The following CACNA1D variants were observed in gnomAD, a reference collection of about 807,000 sequenced individuals.
CACNA1D encodes the protein calcium voltage-gated channel subunit alpha1 D.
Under a neutral mutation model 257.1 loss-of-function variants are expected in CACNA1D, and 55 were observed. That is an observed-to-expected ratio of 0.21 (90% confidence interval 0.17 to 0.27). The LOEUF (loss-of-function observed/expected upper bound fraction) is 0.27. CACNA1D is among the 10% of genes least tolerant of loss of function. CACNA1D has a pLI of 1.00. For missense variants in CACNA1D, 1,876 were observed against 2,784.0 expected, an observed-to-expected ratio of 0.67 and a Z score of 7.34; for synonymous variants, 980 against 1,014.9, an observed-to-expected ratio of 0.97 and a Z score of 0.65.
At chr3:53,738,257 A>T (rs1283056922) in intron 20 of CACNA1D, among the ~76,000 whole-genome samples, 2 of 152,166 alleles carry the variant, frequency 1.3e-5, no homozygotes, top group Non-Finnish European at 2.9e-5. Flanking sequence ...GTTGCTTCCC[A>T]TTTCTGGAGC....
chr3:53,601,133 G>A (rs1222880846), intron 3 of CACNA1D, among the ~76,000 whole-genome samples: 4 of 152,080 alleles, frequency 2.6e-5, no homozygotes, highest in Non-Finnish European at 5.9e-5. Flanking sequence ...TGCCCCCTTC[G>A]GAGACCGGTG....
chr3:53,656,189 T>G (rs1204496824), intron 4 of CACNA1D, among the ~76,000 whole-genome samples: 2 of 152,140 alleles, frequency 1.3e-5, no homozygotes, highest in African/African-American at 4.8e-5. Flanking sequence ...CAGCCCTGTA[T>G]TATAATTTGA....
chr3:53,541,590 T>C (rs868419547), intron 3 of CACNA1D, among the ~76,000 whole-genome samples: 2 of 152,274 alleles, frequency 1.3e-5, no homozygotes, highest in South Asian at 4.2e-4. Flanking sequence ...CCTCCCCAAA[T>C]GGGGGACTGA....
chr3:53,730,615 G>A, intron 16 of CACNA1D, 59 bp downstream of exon 16: 1 of 1,254,722 alleles, frequency 8.0e-7, no homozygotes, highest in South Asian at 1.2e-5. Flanking sequence ...CCCTGCAACA[G>A]TTGCAGCCTG....
intron 3 of CACNA1D, among the ~76,000 whole-genome samples, chr3:53,524,607 C>T (rs1321410816): frequency 6.6e-6 from 1 of 152,170 alleles, no homozygotes; most frequent in Non-Finnish European, 1.5e-5. Context: ...TGACATAGGT[C>T]AGGGGTACAT....
At position 53,495,913 on chromosome 3, in the gene CACNA1D, GC is replaced by G; in HGVS notation, c.67+681del. Among the ~76,000 whole-genome samples the G allele has an allele frequency of 6.6e-6, 1 of 152,374 alleles. No individual in the cohort carries two copies. The highest frequency in any genetic ancestry group is 1.9e-4 in the East Asian group (1 of 5,180). On this transcript the variant is annotated intron_variant, in intron 1 of 47. Coordinates refer to ENST00000350061, the MANE Select transcript of CACNA1D (RefSeq NM_001128840.3). The surrounding 1 kb of genome is among the most constrained non-coding windows in gnomAD (Gnocchi z 5.1). Reference sequence around the variant, plus strand: ...ACGTGCAGCTTCCACGCCGGCCGGGGCTGGGTCGAGGGAGGATGGAGCAGCT... The same window carrying G: ...ACGTGCAGCTTCCACGCCGGCCGGGGTGGGTCGAGGGAGGATGGAGCAGCT...
chr3:53,598,469 C>T (rs984804369), intron 3 of CACNA1D, among the ~76,000 whole-genome samples: 12 of 151,528 alleles, frequency 7.9e-5, no homozygotes, highest in African/African-American at 2.9e-4. Flanking sequence ...CCTGAAATCC[C>T]AGCTACTCGG....
chr3:53,600,432 A>G (rs1039781889), intron 3 of CACNA1D, among the ~76,000 whole-genome samples: 2 of 152,082 alleles, frequency 1.3e-5, no homozygotes, highest in African/African-American at 4.8e-5. Flanking sequence ...GAATTTTGGG[A>G]CTCCAGATTT....
At position 53,791,152 on chromosome 3, in the gene CACNA1D, A is replaced by T; in HGVS notation, c.4923+4200A>T. ...AAAAAGCAGACCCAAGGCCCCAGGG[A>T]GACCCCTTCCAAGCAAAGCACTCCT... On this transcript the variant is annotated intron_variant, in intron 40 of 47. Coordinates refer to ENST00000350061, the MANE Select transcript of CACNA1D (RefSeq NM_001128840.3). The T allele has an allele frequency of 7.7e-6, 5 of 647,454 alleles. No homozygotes were observed. In the Middle Eastern group the frequency reaches 8.0e-4, roughly 104 times the overall value. 40.1% of individuals were successfully genotyped at this position (647,454 alleles called of 1,614,324 possible). A position where few individuals can be genotyped will look rare whatever the true frequency, so the allele number is the denominator to read the frequency against.
intron 3 of CACNA1D, among the ~76,000 whole-genome samples, chr3:53,609,810 G>T (rs1191028601): frequency 6.6e-6 from 1 of 151,794 alleles, no homozygotes; most frequent in Non-Finnish European, 1.5e-5. Flanking sequence ...TACTATTTTG[G>T]ATTTAATTTG....
intron 9 of CACNA1D, among the ~76,000 whole-genome samples, chr3:53,716,460 G>T (rs901424258): frequency 1.3e-5 from 2 of 152,218 alleles, no homozygotes; most frequent in Non-Finnish European, 2.9e-5. Flanking sequence ...TGCTGAATCA[G>T]AGTGAGGAAC....
At chr3:53,503,568 T>C (rs1052769386) in intron 3 of CACNA1D, among the ~76,000 whole-genome samples, 1 of 152,234 alleles carries the variant, frequency 6.6e-6, no homozygotes, top group African/African-American at 2.4e-5. Flanking sequence ...GAATAATTAA[T>C]GTAGCTGCAT....
intron 3 of CACNA1D, among the ~76,000 whole-genome samples, chr3:53,543,374 G>T (rs957309630): frequency 6.6e-6 from 1 of 152,164 alleles, no homozygotes; most frequent in Non-Finnish European, 1.5e-5. Context: ...GAGAAAGTGG[G>T]TAAAGGACTT....
chr3:53,554,121 G>A (rs949764046), intron 3 of CACNA1D, among the ~76,000 whole-genome samples: 1 of 151,672 alleles, frequency 6.6e-6, no homozygotes, highest in Admixed American at 6.6e-5. Flanking sequence ...GCGTGAACCC[G>A]GGAGGCGGAG....
intron 9 of CACNA1D, among the ~76,000 whole-genome samples, chr3:53,709,570 A>T (rs2108630128): frequency 6.6e-6 from 1 of 152,326 alleles, no homozygotes; most frequent in African/African-American, 2.4e-5. Flanking sequence ...TGTGCTGCCC[A>T]TGCCCTTGCT....
At chr3:53,796,143 G>A (rs2095506599) in intron 40 of CACNA1D, 1 of 282,252 alleles carries the variant, frequency 3.5e-6, no homozygotes, top group South Asian at 3.4e-5. Context: ...GTTTTCTAAT[G>A]GAACTAGTCT....
chr3:53,645,852 G>C (rs1460166499), intron 3 of CACNA1D, among the ~76,000 whole-genome samples: 2 of 152,116 alleles, frequency 1.3e-5, no homozygotes, highest in East Asian at 3.9e-4. Context: ...GAGGGTTGGG[G>C]AGACTGTTTT....
intron 3 of CACNA1D, among the ~76,000 whole-genome samples, chr3:53,611,808 T>C (rs2093586069): frequency 6.6e-6 from 1 of 152,244 alleles, no homozygotes; most frequent in Non-Finnish European, 1.5e-5. Context: ...AAAGATCAGA[T>C]AGTAAATATT....
chr3:53,740,484 A>G, intron 21 of CACNA1D, 145 bp downstream of exon 21: 1 of 703,068 alleles, frequency 1.4e-6, no homozygotes, highest in Non-Finnish European at 2.6e-6. Context: ...TAAAGGTAAC[A>G]GGTTACCCGG....
Sources: gnomAD v4.1 joint callset for allele counts (sites outside exome capture counted in the v4.1 genomes callset) on GRCh38, gnomAD v4.1.1 for gene constraint, Gnocchi (gnomAD v3.1) non-coding constraint, MANE v1.5 for transcripts, NCBI Gene and HGNC (gene_info 2026-07-23, HGNC 2026-07-21) for gene names.